Variants in PLEKHA5 observed in about 807,000 individuals in gnomAD.
PLEKHA5 encodes the protein pleckstrin homology domain-containing family A member 5.
A neutral mutation model predicts 181.9 loss-of-function variants in PLEKHA5; 55 were observed. That is an observed-to-expected ratio of 0.30 (90% CI 0.24 to 0.38). The LOEUF (loss-of-function observed/expected upper bound fraction) is 0.38. Among genes scored for constraint, PLEKHA5 ranks in the 10% least tolerant of loss-of-function variants. The pLI, the probability that PLEKHA5 is intolerant of heterozygous loss-of-function variation, is 1.00. For synonymous variants in PLEKHA5, 535 were observed against 529.4 expected (o/e 1.01, Z -0.15); for missense variants, 1,432 against 1,549.5 (o/e 0.92, Z 1.27).
chr12:19,256,537 A>G (rs1465287534), intron 5 of PLEKHA5, among the ~76,000 whole-genome samples: 1 of 152,194 alleles, frequency 6.6e-6, no homozygotes, highest in African/African-American at 2.4e-5. Flanking sequence ...TGAGTTTTAT[A>G]CTGTTTTTAA....
intron 3 of PLEKHA5, among the ~76,000 whole-genome samples, chr12:19,135,719 A>G (rs892065738): frequency 6.6e-6 from 1 of 152,162 alleles, no homozygotes; most frequent in African/African-American, 2.4e-5. Flanking sequence ...GATCAGCGTA[A>G]GAGTTGTATA....
At chr12:19,286,568 A>G (rs576714469) in intron 12 of PLEKHA5, among the ~76,000 whole-genome samples, 111 of 152,304 alleles carry the variant, frequency 7.3e-4, no homozygotes, top group African/African-American at 2.6e-3. Flanking sequence ...AAGATTTGCA[A>G]AACTGTAAAA....
chr12:19,146,764 C>G (rs570864217), intron 3 of PLEKHA5, among the ~76,000 whole-genome samples: 1 of 152,152 alleles, frequency 6.6e-6, no homozygotes, highest in African/African-American at 2.4e-5. Context: ...TGTTTTGTGA[C>G]CACAGTGTGC....
intron 20 of PLEKHA5, among the ~76,000 whole-genome samples, chr12:19,327,392 C>CT (rs1009024887): frequency 6.6e-6 from 1 of 151,418 alleles, no homozygotes; most frequent in African/African-American, 2.4e-5. Flanking sequence ...GTATGTCTTC[C>CT]TTTAAGTGTC....
chr12:19,285,246 T>G (rs2076976246), intron 12 of PLEKHA5, among the ~76,000 whole-genome samples: 1 of 152,222 alleles, frequency 6.6e-6, no homozygotes, highest in African/African-American at 2.4e-5. Context: ...CTAATACAAC[T>G]TAATGTGTAT....
At chr12:19,227,454 C>A (rs1321134157) in intron 3 of PLEKHA5, among the ~76,000 whole-genome samples, 1 of 152,102 alleles carries the variant, frequency 6.6e-6, no homozygotes, top group African/African-American at 2.4e-5. Flanking sequence ...TTTATTCTTT[C>A]AAGTAAAGCA....
chr12:19,138,718 G>A (rs2036425752), intron 3 of PLEKHA5, among the ~76,000 whole-genome samples: 1 of 152,102 alleles, frequency 6.6e-6, no homozygotes, highest in Non-Finnish European at 1.5e-5. Flanking sequence ...ACTTTCAGAT[G>A]AGTTGATAAG....
chr12:19,164,894 A>G (rs1390855898), intron 3 of PLEKHA5, among the ~76,000 whole-genome samples: 2 of 152,092 alleles, frequency 1.3e-5, no homozygotes, highest in African/African-American at 4.8e-5. Flanking sequence ...AGACTTATCA[A>G]TTGAAGATAT....
intron 29 of PLEKHA5, among the ~76,000 whole-genome samples, chr12:19,362,134 C>T (rs565504497): frequency 1.4e-3 from 178 of 129,930 alleles, no homozygotes; most frequent in Non-Finnish European, 2.2e-3. Flanking sequence ...TGCCAGTATA[C>T]TCCAGCCTGG....
At chr12:19,251,713 T>C (rs2065340953) in intron 3 of PLEKHA5, among the ~76,000 whole-genome samples, 1 of 141,320 alleles carries the variant, frequency 7.1e-6, no homozygotes, top group Non-Finnish European at 1.5e-5. Flanking sequence ...CTGATGATTC[T>C]CTTGATCTGA....
intron 3 of PLEKHA5, among the ~76,000 whole-genome samples, chr12:19,246,344 G>T (rs1464224326): frequency 6.6e-6 from 1 of 151,582 alleles, no homozygotes; most frequent in African/African-American, 2.4e-5. Context: ...TACATTTAAG[G>T]CTGGGTGCGG....
intron 15 of PLEKHA5, among the ~76,000 whole-genome samples, chr12:19,310,688 G>A (rs1316990805): frequency 2.6e-5 from 4 of 152,036 alleles, no homozygotes; most frequent in African/African-American, 7.2e-5. Flanking sequence ...AAGCCAAGGC[G>A]GGCGGATTGC....
chr12:19,337,652 G>A (rs544504546), intron 21 of PLEKHA5, among the ~76,000 whole-genome samples: 25 of 151,846 alleles, frequency 1.6e-4, no homozygotes, highest in African/African-American at 5.3e-4. Flanking sequence ...GTTACGTCAC[G>A]CTTATGACCC....
intron 3 of PLEKHA5, chr12:19,176,261 A>T (rs2047195104): frequency 8.5e-6 from 1 of 117,978 alleles, no homozygotes; most frequent in South Asian, 3.4e-4. Context: ...TAAAATAAAT[A>T]AAGTAGATAA....
intron 29 of PLEKHA5, 96 bp downstream of exon 29, chr12:19,361,802 A>C: frequency 9.8e-7 from 1 of 1,018,422 alleles, no homozygotes; most frequent in Non-Finnish European, 1.5e-6. Context: ...TTTCAGCCCC[A>C]GCTTAGCTAC....
At chr12:19,325,261 T>G (rs1386911957) in intron 20 of PLEKHA5, among the ~76,000 whole-genome samples, 2 of 152,062 alleles carry the variant, frequency 1.3e-5, no homozygotes, top group African/African-American at 4.8e-5. Context: ...CATGGTGGTG[T>G]ACACCTGTGA....
At chr12:19,267,636 G>C (rs1261924658) in intron 8 of PLEKHA5, among the ~76,000 whole-genome samples, 1 of 150,800 alleles carries the variant, frequency 6.6e-6, no homozygotes, top group Non-Finnish European at 1.5e-5. Flanking sequence ...CTCCAGCCTG[G>C]GCGACAGAGT....
intron 3 of PLEKHA5, among the ~76,000 whole-genome samples, chr12:19,250,473 C>G (rs567756343): frequency 6.6e-6 from 1 of 152,090 alleles, no homozygotes; most frequent in Non-Finnish European, 1.5e-5. Context: ...GTCTCAAATA[C>G]TTGGGAGGCT....
chr12:19,343,634 C>G (rs760979534), intron 22 of PLEKHA5, among the ~76,000 whole-genome samples, 200 bp downstream of exon 22: 1 of 152,144 alleles, frequency 6.6e-6, no homozygotes, highest in Non-Finnish European at 1.5e-5. Context: ...AGGTTGCAAA[C>G]CTGCACAGCA....
Sources: gnomAD v4.1 joint callset for allele counts (sites outside exome capture counted in the v4.1 genomes callset) on GRCh38, gnomAD v4.1.1 for gene constraint, MANE v1.5 for transcripts, NCBI Gene and HGNC (gene_info 2026-07-23, HGNC 2026-07-21) for gene names.